The following SLC36A1 variants were observed in gnomAD, a reference collection of about 807,000 sequenced individuals.
SLC36A1 encodes the protein solute carrier family 36 member 1.
A neutral mutation model predicts 47.5 loss-of-function variants in SLC36A1; 30 were observed. The ratio of observed to expected loss-of-function variants is 0.63; its 90% CI spans 0.47 to 0.86. SLC36A1 has a LOEUF of 0.86. SLC36A1 is among the 40% of genes least tolerant of loss of function. The probability of loss-of-function intolerance (pLI) is 0.00; values close to 1 mark genes in which losing one functional copy is unlikely to be tolerated. For missense variants in SLC36A1, 517 were observed against 606.0 expected (o/e 0.85, Z 1.54); for synonymous variants, 255 against 249.7 (o/e 1.02, Z -0.20).
At chr5:151,415,290 C>T in the SLC36A1 span, among the ~76,000 whole-genome samples, 5 of 152,076 alleles carry the variant, frequency 3.3e-5, no homozygotes, top group Non-Finnish European at 1.5e-5. Context: ...TGGGGCTTCC[C>T]TCTACTCTGG....
chr5:151,391,202 C>G, the SLC36A1 span, among the ~76,000 whole-genome samples: 1 of 151,822 alleles, frequency 6.6e-6, no homozygotes, highest in Non-Finnish European at 1.5e-5. Flanking sequence ...TGATTTGGCT[C>G]TCTGTCTGTT....
At chr5:151,550,486 G>C in the SLC36A1 span, 3 of 1,285,544 alleles carry the variant, frequency 2.3e-6, no homozygotes, top group Non-Finnish European at 3.3e-6. Flanking sequence ...TCTCGTGCAT[G>C]GTCCTTATGA....
the SLC36A1 span, chr5:151,521,875 G>T: frequency 2.4e-5 from 38 of 1,614,036 alleles, no homozygotes; most frequent in Non-Finnish European, 2.9e-5. Flanking sequence ...CCTGCCCAGG[G>T]TCTCCTCTTC....
At chr5:151,378,202 G>GA in the SLC36A1 span, 3 of 255,900 alleles carry the variant, frequency 1.2e-5, no homozygotes, top group South Asian at 5.7e-5. Flanking sequence ...TCTTCTTCAT[G>GA]AGACTGTACA....
At chr5:151,397,764 CAAAAAAAAAAA>C in the SLC36A1 span, among the ~76,000 whole-genome samples, 1 of 44,338 alleles carries the variant, frequency 2.3e-5, no homozygotes, top group Non-Finnish European at 4.1e-5. Flanking sequence ...AACTCCAACT[CAAAAAAAAAAA>C]AAAAAAAAAA....
chr5:151,474,532 G>A (rs924742700), intron 8 of SLC36A1, among the ~76,000 whole-genome samples: 1 of 152,166 alleles, frequency 6.6e-6, no homozygotes, highest in African/African-American at 2.4e-5. Flanking sequence ...TGTGCAAAAT[G>A]CTTTGCACAG....
intron 7 of SLC36A1, 136 bp downstream of exon 7, chr5:151,468,061 G>C (rs888051328): frequency 1.5e-6 from 1 of 676,464 alleles, no homozygotes; most frequent in African/African-American, 1.8e-5. Flanking sequence ...TTTGAGACCA[G>C]CCTGGCCGTC....
the SLC36A1 span, among the ~76,000 whole-genome samples, chr5:151,421,064 G>T: frequency 9.9e-5 from 15 of 151,270 alleles, no homozygotes; most frequent in Non-Finnish European, 2.2e-4. Flanking sequence ...TAGTAGAGAC[G>T]GGGTTTCACC....
the SLC36A1 span, among the ~76,000 whole-genome samples, chr5:151,413,867 G>A: frequency 4.6e-5 from 7 of 151,850 alleles, no homozygotes; most frequent in South Asian, 2.1e-4. Context: ...ATTTATACAC[G>A]TATATATATG....
chr5:151,406,139 C>T, the SLC36A1 span, among the ~76,000 whole-genome samples: 2 of 152,154 alleles, frequency 1.3e-5, no homozygotes, highest in African/African-American at 4.8e-5. Context: ...TTTCCTTAGC[C>T]CCAGGAAGGG....
At chr5:151,372,348 A>G in the SLC36A1 span, among the ~76,000 whole-genome samples, 1 of 152,218 alleles carries the variant, frequency 6.6e-6, no homozygotes, top group Non-Finnish European at 1.5e-5. Context: ...TGTGTGAACA[A>G]ATGGAAAATT....
chr5:151,487,783 TCTG>T (rs1759763836), intron 10 of SLC36A1, among the ~76,000 whole-genome samples, 197 bp from the exon 11 acceptor site: 1 of 152,220 alleles, frequency 6.6e-6, no homozygotes, highest in Non-Finnish European at 1.5e-5. Context: ...CGGTCCCAGT[TCTG>T]CTGACCTTGC....
the SLC36A1 span, among the ~76,000 whole-genome samples, chr5:151,391,645 A>G: frequency 6.6e-6 from 1 of 152,202 alleles, no homozygotes; most frequent in Non-Finnish European, 1.5e-5. Flanking sequence ...CCTTTTCTGC[A>G]TCTATTGAGA....
At chr5:151,480,824 T>C (rs749213934) in intron 10 of SLC36A1, among the ~76,000 whole-genome samples, 1 of 152,214 alleles carries the variant, frequency 6.6e-6, no homozygotes, top group Non-Finnish European at 1.5e-5. Context: ...GAGGGCCCAA[T>C]TCTTAAATCT....
chr5:151,477,034 C>G (rs1758166558), intron 9 of SLC36A1: 2 of 534,602 alleles, frequency 3.7e-6, no homozygotes, highest in African/African-American at 3.8e-5. Context: ...GTATCTAGTC[C>G]ATTCATGGTA....
At chr5:151,359,813 A>G in the SLC36A1 span, among the ~76,000 whole-genome samples, 1 of 152,188 alleles carries the variant, frequency 6.6e-6, no homozygotes, top group Non-Finnish European at 1.5e-5. Flanking sequence ...CATGCTGTAG[A>G]ATGTTTTGAG....
chr5:151,424,273 T>C, the SLC36A1 span, among the ~76,000 whole-genome samples: 3 of 151,980 alleles, frequency 2.0e-5, no homozygotes, highest in Non-Finnish European at 4.4e-5. Context: ...CAGAGAACAA[T>C]GATGGAACCC....
chr5:151,481,828 A>G (rs165360), intron 10 of SLC36A1, among the ~76,000 whole-genome samples: 1 of 152,120 alleles, frequency 6.6e-6, no homozygotes, highest in Non-Finnish European at 1.5e-5. Flanking sequence ...ATCTACTTCC[A>G]GCCCATATTT....
chr5:151,359,575 C>T, the SLC36A1 span, among the ~76,000 whole-genome samples: 14 of 152,314 alleles, frequency 9.2e-5, no homozygotes, highest in East Asian at 3.9e-4. Flanking sequence ...TATAATTGTG[C>T]AATCACCACC....
Sources: gnomAD v4.1 joint callset for allele counts (sites outside exome capture counted in the v4.1 genomes callset) on GRCh38, gnomAD v4.1.1 for gene constraint, MANE v1.5 for transcripts, NCBI Gene and HGNC (gene_info 2026-07-23, HGNC 2026-07-21) for gene names.